Variants in CLCN4 observed in about 807,000 individuals in gnomAD.
CLCN4 encodes the protein Cl-/H+ antiporter 4.
A neutral mutation model predicts 41.7 loss-of-function variants in CLCN4; 1 was observed. That is an observed-to-expected ratio of 0.02 (90% CI 0.01 to 0.11). The LOEUF (loss-of-function observed/expected upper bound fraction) is 0.11. Among genes scored for constraint, CLCN4 ranks in the 10% least tolerant of loss-of-function variants. CLCN4 has a pLI of 1.00. For missense variants in CLCN4, 287 were observed against 661.0 expected (o/e 0.43, Z 6.20); for synonymous variants, 277 against 285.8 (o/e 0.97, Z 0.31).
chrX:10,165,620 G>A (rs1230120199), intron 2 of CLCN4, among the ~76,000 whole-genome samples: 2 of 112,172 alleles, frequency 1.8e-5, no homozygotes, highest in Non-Finnish European at 3.8e-5. Flanking sequence ...GCAGTTTCGC[G>A]ATGCTTCCCG....
intron 12 of CLCN4, among the ~76,000 whole-genome samples, chrX:10,229,104 G>C (rs1438259820): frequency 1.8e-5 from 2 of 111,301 alleles, no homozygotes; most frequent in African/African-American, 6.5e-5. Context: ...CAGGTGGAGG[G>C]CTGGATGGGT....
At chrX:10,201,980 G>GA (rs1157212696) in intron 6 of CLCN4, among the ~76,000 whole-genome samples, 35 of 110,889 alleles carry the variant, frequency 3.2e-4, no homozygotes, top group Admixed American at 7.7e-4. Flanking sequence ...TTCTAAAACA[G>GA]AAAAAAGAAG....
chrX:10,167,619 A>G (rs1167646333), intron 2 of CLCN4, among the ~76,000 whole-genome samples: 2 of 112,231 alleles, frequency 1.8e-5, no homozygotes, highest in African/African-American at 3.2e-5. Context: ...CTCTAGAGAA[A>G]GCCAACTGCC....
chrX:10,220,465 G>A (rs950082797), intron 11 of CLCN4, among the ~76,000 whole-genome samples, 196 bp from the exon 12 acceptor site: 1 of 111,952 alleles, frequency 8.9e-6, no homozygotes, highest in Admixed American at 9.5e-5. Flanking sequence ...CACAGCAGGG[G>A]ACCCTCACAC....
chrX:10,220,982 T>C, intron 12 of CLCN4, 105 bp downstream of exon 12: 2 of 645,655 alleles, frequency 3.1e-6, no homozygotes, highest in Admixed American at 5.1e-5. Context: ...GAATAGTCCT[T>C]GACAGAGAAT....
intron 3 of CLCN4, among the ~76,000 whole-genome samples, chrX:10,186,484 C>T (rs1311442655): frequency 9.0e-6 from 1 of 110,800 alleles, no homozygotes; most frequent in Non-Finnish European, 1.9e-5. Context: ...ACAAGGTCAC[C>T]CTCTATGGAG....
chrX:10,177,107 A>G (rs1923553334), intron 2 of CLCN4, among the ~76,000 whole-genome samples: 1 of 112,923 alleles, frequency 8.9e-6, no homozygotes, highest in African/African-American at 3.2e-5. Context: ...TTGCATTTTT[A>G]TATGGTTGAG....
chrX:10,164,566 G>A (rs1007691854), intron 2 of CLCN4, among the ~76,000 whole-genome samples: 29 of 112,209 alleles, frequency 2.6e-4, no homozygotes, highest in African/African-American at 9.1e-4. Flanking sequence ...GCTAGGAGGC[G>A]AGGCTGGAGG....
At chrX:10,222,124 A>G (rs774190206) in intron 12 of CLCN4, among the ~76,000 whole-genome samples, 1 of 112,960 alleles carries the variant, frequency 8.9e-6, no homozygotes, top group Non-Finnish European at 1.9e-5. Context: ...TGATGGCCCC[A>G]TGGCATTGTC....
rs144667082 is a variant in CLCN4, at chrX:10,177,661, C to T, written c.-11-7361C>T. Among the ~76,000 whole-genome samples, 699 of 111,728 alleles carry T rather than the reference C, an allele frequency of 6.3e-3. 2 individuals are homozygous for T. The highest frequency in any genetic ancestry group is 0.011 in the African/African-American group (336 of 30,679). On this transcript the variant is annotated intron_variant, in intron 2 of 12. Transcript: ENST00000380833. ...GTTCATCTATGATTTTTGCATTTTA[C>T]GAATACATGTTTACTTCAATAAAAA... is the stretch of plus-strand genomic sequence containing the variant.
chrX:10,226,603 A>G (rs1445072678), intron 12 of CLCN4, among the ~76,000 whole-genome samples: 1 of 111,246 alleles, frequency 9.0e-6, no homozygotes, highest in Non-Finnish European at 1.9e-5. Context: ...AACAAACCCA[A>G]CAAATCCAGG....
intron 6 of CLCN4, among the ~76,000 whole-genome samples, chrX:10,202,052 A>T (rs747018924): frequency 5.4e-5 from 6 of 111,896 alleles, no homozygotes; most frequent in African/African-American, 1.9e-4. Flanking sequence ...AGTTCTATAA[A>T]GCACATTTAA....
At chrX:10,222,115 G>T (rs1229049073) in intron 12 of CLCN4, among the ~76,000 whole-genome samples, 2 of 112,889 alleles carry the variant, frequency 1.8e-5, no homozygotes, top group Non-Finnish European at 3.7e-5. Context: ...GGAGAGATTT[G>T]ATGGCCCCAT....
At position 10,233,507 on chromosome X, in the gene CLCN4, A is replaced by G; in HGVS notation, c.2206A>G (p.Ile736Val). Residue 736 changes from isoleucine to valine, a missense_variant, in exon 13 of 13, where the codon ATC (isoleucine) becomes GTC (valine). Around this residue, in one of 6 missense-constraint regions of CLCN4, gnomAD observed 14 missense variants for 50.0 expected, o/e 0.28. Transcript: ENST00000380833. ...TTTCTTCTCCAGGAGACTTCTTGGC[A>G]TCATCACAAAAAAGGATGTTCTGAG... ...LVTRSGRLLG[I>V]ITKKDVLRHM... The G allele has an allele frequency of 8.3e-7, 1 of 1,208,113 alleles. No homozygotes were observed. Among genetic ancestry groups the G allele is most frequent in the Non-Finnish European group, 1.1e-6 (1 of 892,099 alleles).
At chrX:10,202,521 C>G (rs1924263582) in intron 6 of CLCN4, among the ~76,000 whole-genome samples, 1 of 106,833 alleles carries the variant, frequency 9.4e-6, no homozygotes, top group Non-Finnish European at 1.9e-5. Flanking sequence ...CTCCTGTAGT[C>G]CCAGCTACTC....
chrX:10,230,175 TA>T (rs1278408967), intron 12 of CLCN4, among the ~76,000 whole-genome samples: 1 of 111,930 alleles, frequency 8.9e-6, no homozygotes, highest in Non-Finnish European at 1.9e-5. Flanking sequence ...GTCAGATGGG[TA>T]GTTTGCTAGT....
At chrX:10,174,995 G>A (rs1468418041) in intron 2 of CLCN4, among the ~76,000 whole-genome samples, 1 of 112,345 alleles carries the variant, frequency 8.9e-6, no homozygotes, top group Admixed American at 9.4e-5. Context: ...CAGAGTGTTT[G>A]GATGCATCCG....
chrX:10,208,317 G>T lies in CLCN4; in HGVS notation c.1116G>T (p.Glu372Asp). The T allele has an allele frequency of 8.3e-7, 1 of 1,211,203 alleles. No homozygotes were observed. The highest frequency in any genetic ancestry group is 1.1e-6 in the Non-Finnish European group (1 of 895,422). ...TTRLGKYPVL[E>D]VIVVTAITAI... is the part of the protein sequence containing the mutation. ...GGCTGGGGAAGTACCCGGTGCTGGA[G>T]GTCATTGTGGTGACTGCCATCACTG... Residue 372 changes from glutamate (E) to aspartate (D), a missense_variant, in exon 9 of 13, where the codon GAG (glutamate) becomes GAT (aspartate). Around this residue, in one of 6 missense-constraint regions of CLCN4, gnomAD observed 94 missense variants for 177.9 expected, o/e 0.53. Coordinates refer to ENST00000380833, the MANE Select transcript of CLCN4 (RefSeq NM_001830.4).
intron 6 of CLCN4, among the ~76,000 whole-genome samples, chrX:10,200,576 G>A (rs1352324908): frequency 8.9e-6 from 1 of 112,445 alleles, no homozygotes; most frequent in African/African-American, 3.2e-5. Context: ...CAGGGAGTTC[G>A]AATATCAGTT....
Sources: allele counts gnomAD v4.1 joint callset (sites outside exome capture counted in the v4.1 genomes callset), GRCh38; gene constraint gnomAD v4.1.1; regional missense constraint gnomAD v4.1.1; transcripts MANE v1.5; gene names NCBI Gene and HGNC (gene_info 2026-07-23, HGNC 2026-07-21).